The following GPC5 variants were observed in gnomAD, a reference collection of about 807,000 sequenced individuals.
The protein encoded by GPC5 is glypican-5.
A neutral mutation model predicts 53.9 loss-of-function variants in GPC5; 47 were observed. That is an observed-to-expected ratio of 0.87 (90% CI 0.69 to 1.11). The LOEUF is 1.11. GPC5 is among the 50% of genes most tolerant of loss of function. The pLI is 0.00. For missense variants in GPC5, 748 were observed against 713.1 expected (o/e 1.05, Z -0.56); for synonymous variants, 286 against 263.3 (o/e 1.09, Z -0.84).
intron 6 of GPC5, among the ~76,000 whole-genome samples, chr13:91,999,087 T>C (rs570736887): frequency 5.3e-5 from 8 of 152,334 alleles, no homozygotes; most frequent in African/African-American, 1.9e-4. Context: ...ACAGTCTGTA[T>C]CTCTGGCTAT....
intron 7 of GPC5, among the ~76,000 whole-genome samples, chr13:92,478,207 A>G (rs1879223354): frequency 6.6e-6 from 1 of 152,144 alleles, no homozygotes; most frequent in Admixed American, 6.6e-5. Context: ...ATGAAGACCC[A>G]ATAGAGAAAA....
intron 2 of GPC5, among the ~76,000 whole-genome samples, chr13:91,612,572 C>T (rs1012192178): frequency 9.2e-5 from 14 of 152,074 alleles, no homozygotes; most frequent in Admixed American, 2.6e-4. Context: ...GGGGAATCTA[C>T]GATGTTAGCG....
intron 7 of GPC5, among the ~76,000 whole-genome samples, chr13:92,850,120 T>A (rs191557569): frequency 1.5e-4 from 23 of 152,322 alleles, no homozygotes; most frequent in African/African-American, 5.5e-4. Context: ...ACAACCTTTT[T>A]TTTAACAAAA....
At chr13:92,401,668 A>G (rs1005548490) in intron 7 of GPC5, among the ~76,000 whole-genome samples, 1 of 152,142 alleles carries the variant, frequency 6.6e-6, no homozygotes, top group Non-Finnish European at 1.5e-5. Context: ...AGCTTTCTGG[A>G]AGTTATTTCA....
chr13:91,819,452 C>A (rs1441908820), intron 5 of GPC5, among the ~76,000 whole-genome samples: 2 of 152,090 alleles, frequency 1.3e-5, no homozygotes, highest in East Asian at 3.8e-4. Context: ...AGCCACCACA[C>A]CCGGCCATAT....
rs568361723 is a variant in GPC5 at position 92,591,287 on chromosome 13, G to A, written c.1562-274995G>A. Among the ~76,000 whole-genome samples the A allele has an allele frequency of 6.6e-5, 10 of 152,098 alleles. No homozygotes were observed. The East Asian group carries it at 1.6e-3, about 24-fold the overall frequency. On this transcript the variant is annotated intron_variant, in intron 7 of 7. Transcript: ENST00000377067. ...TAAGATGACTGGGTACATTGACTGG[G>A]GAGCCTGATGTGTGTCGCTATTAGG... is the stretch of plus-strand genomic sequence containing the variant.
intron 7 of GPC5, among the ~76,000 whole-genome samples, chr13:92,724,875 T>TACAC (rs58824655): frequency 0.12 from 16,803 of 137,628 alleles, 1,112 homozygotes; most frequent in Middle Eastern, 0.16. Flanking sequence ...GTCCTACACA[T>TACAC]ACACACACAC....
chr13:91,983,150 C>T (rs1446693770), intron 6 of GPC5, among the ~76,000 whole-genome samples: 1 of 151,916 alleles, frequency 6.6e-6, no homozygotes, highest in East Asian at 1.9e-4. Flanking sequence ...TCGAGACCAT[C>T]CTGGCTAACA....
At chr13:92,168,314 C>T (rs999504339) in intron 7 of GPC5, among the ~76,000 whole-genome samples, 2 of 152,040 alleles carry the variant, frequency 1.3e-5, no homozygotes, top group African/African-American at 4.8e-5. Flanking sequence ...AAAGCAATTG[C>T]AACAAAAGCA....
chr13:92,475,930 C>G (rs895481705), intron 7 of GPC5, among the ~76,000 whole-genome samples: 7 of 152,024 alleles, frequency 4.6e-5, no homozygotes, highest in African/African-American at 1.7e-4. Context: ...GACCTAAAAC[C>G]ATAAAAAGCC....
intron 7 of GPC5, among the ~76,000 whole-genome samples, chr13:92,363,438 G>A (rs924480579): frequency 8.6e-5 from 13 of 151,598 alleles, no homozygotes; most frequent in African/African-American, 2.4e-4. Flanking sequence ...ACCTCAGATC[G>A]TCAGGCATTA....
At chr13:91,861,314 A>T (rs534867855) in intron 5 of GPC5, among the ~76,000 whole-genome samples, 1 of 152,282 alleles carries the variant, frequency 6.6e-6, no homozygotes, top group African/African-American at 2.4e-5. Flanking sequence ...GGGATGTTAA[A>T]ATCTTTAATT....
chr13:92,346,871 C>A (rs530442194), intron 7 of GPC5, among the ~76,000 whole-genome samples: 30 of 152,086 alleles, frequency 2.0e-4, no homozygotes, highest in Non-Finnish European at 2.6e-4. Context: ...AAATAGAAAT[C>A]CCAGAGATGA....
At chr13:92,471,877 G>C (rs1387766762) in intron 7 of GPC5, among the ~76,000 whole-genome samples, 1 of 152,054 alleles carries the variant, frequency 6.6e-6, no homozygotes, top group African/African-American at 2.4e-5. Context: ...TGAAATAAGT[G>C]CTCACCTGTT....
At chr13:92,418,711 T>C (rs918554963) in intron 7 of GPC5, among the ~76,000 whole-genome samples, 19 of 152,342 alleles carry the variant, frequency 1.2e-4, no homozygotes, top group Non-Finnish European at 1.9e-4. Context: ...AGTCTCTCAG[T>C]AATTGTTTTG....
intron 7 of GPC5, among the ~76,000 whole-genome samples, chr13:92,764,932 G>A (rs1238591744): frequency 6.6e-6 from 1 of 152,060 alleles, no homozygotes; most frequent in Non-Finnish European, 1.5e-5. Context: ...GCAAAAAAAA[G>A]GGAAATTTGA....
At chr13:92,237,372 A>G (rs1318287215) in intron 7 of GPC5, among the ~76,000 whole-genome samples, 1 of 151,984 alleles carries the variant, frequency 6.6e-6, no homozygotes, top group Non-Finnish European at 1.5e-5. Context: ...GGCACGCACC[A>G]CCAAGCATAG....
chr13:92,736,052 T>G (rs778002265), intron 7 of GPC5, among the ~76,000 whole-genome samples: 4 of 152,004 alleles, frequency 2.6e-5, no homozygotes, highest in Non-Finnish European at 4.4e-5. Flanking sequence ...AGCAAAAATA[T>G]AAGCACATTA....
intron 5 of GPC5, among the ~76,000 whole-genome samples, chr13:91,899,320 A>G (rs765161304): frequency 6.6e-6 from 1 of 152,170 alleles, no homozygotes; most frequent in Non-Finnish European, 1.5e-5. Context: ...ATAATTTCCA[A>G]AGCTAATTAT....
Sources: gnomAD v4.1 joint callset for allele counts (sites outside exome capture counted in the v4.1 genomes callset) on GRCh38, gnomAD v4.1.1 for gene constraint, MANE v1.5 for transcripts, NCBI Gene and HGNC (gene_info 2026-07-23, HGNC 2026-07-21) for gene names.